DOCK1: variants seen among roughly 807,000 people sequenced by gnomAD.
The protein encoded by DOCK1 is dedicator of cytokinesis protein 1.
DOCK1 carries 138 observed loss-of-function variants against 262.7 expected under a neutral mutation model. The ratio of observed to expected loss-of-function variants is 0.53; its 90% CI spans 0.46 to 0.61. The LOEUF is 0.61. Ranked by LOEUF, DOCK1 falls within the 20% of genes least tolerant of loss-of-function variation. The pLI is 0.00. For missense variants in DOCK1, 1,908 were observed against 2,370.7 expected (o/e 0.80, Z 4.05); for synonymous variants, 866 against 867.4 (o/e 1.00, Z 0.03).
intron 27 of DOCK1, among the ~76,000 whole-genome samples, chr10:127,151,454 T>G (rs1403474601): frequency 6.6e-6 from 1 of 152,208 alleles, no homozygotes; most frequent in African/African-American, 2.4e-5. Flanking sequence ...TTTGTCATTG[T>G]GACCACTCCA....
chr10:127,447,419 G>A lies in DOCK1; in HGVS notation c.5439G>A (p.Gly1813=). The change falls in exon 51 of 52, where the codon GGG becomes GGA. Residue 1813 remains glycine, a synonymous_variant. Transcript: ENST00000623213. ...QSSLELNGMT[G]ADVADVPPPL... ...GCTTGGAGCTGAACGGCATGACGGGGGCGGACGTGGCCGATGTCCCACCCC... is the reference window on the plus strand; with the variant it reads ...GCTTGGAGCTGAACGGCATGACGGGAGCGGACGTGGCCGATGTCCCACCCC... The A allele has an allele frequency of 1.2e-6, 2 of 1,613,106 alleles. No homozygotes were observed. Among genetic ancestry groups the A allele is most frequent in the East Asian group, 2.2e-5 (1 of 44,844 alleles).
chr10:127,274,418 A>G (rs892934819), intron 29 of DOCK1, among the ~76,000 whole-genome samples: 8 of 152,162 alleles, frequency 5.3e-5, no homozygotes, highest in African/African-American at 1.9e-4. Context: ...GATGTTTTTC[A>G]GGGACTGTTT....
chr10:127,314,742 T>C (rs1410554523), intron 29 of DOCK1, among the ~76,000 whole-genome samples: 1 of 152,194 alleles, frequency 6.6e-6, no homozygotes, highest in Non-Finnish European at 1.5e-5. Flanking sequence ...CTTCAGAAAG[T>C]AGCTGTTGGA....
intron 11 of DOCK1, among the ~76,000 whole-genome samples, chr10:127,010,428 C>T (rs1159401345): frequency 2.0e-5 from 3 of 152,210 alleles, no homozygotes; most frequent in Non-Finnish European, 4.4e-5. Flanking sequence ...GATCACGCCA[C>T]TGCACTCCAG....
chr10:127,322,826 G>T (rs534292899), intron 29 of DOCK1, among the ~76,000 whole-genome samples: 4 of 152,198 alleles, frequency 2.6e-5, no homozygotes, highest in Non-Finnish European at 5.9e-5. Flanking sequence ...CTTCTTTACT[G>T]TCTGATCATT....
At chr10:127,307,462 C>T (rs1316176574) in intron 29 of DOCK1, among the ~76,000 whole-genome samples, 2 of 152,206 alleles carry the variant, frequency 1.3e-5, no homozygotes, top group Non-Finnish European at 2.9e-5. Context: ...TCGTTCAGTC[C>T]GCTGTCTTGG....
intron 33 of DOCK1, among the ~76,000 whole-genome samples, chr10:127,365,790 A>G (rs944084284): frequency 7.9e-5 from 12 of 152,120 alleles, no homozygotes; most frequent in Non-Finnish European, 1.8e-4. Flanking sequence ...CTTCTGAGGA[A>G]GTGCTTCATT....
At chr10:127,266,846 C>T (rs1048767712) in intron 29 of DOCK1, among the ~76,000 whole-genome samples, 1 of 152,184 alleles carries the variant, frequency 6.6e-6, no homozygotes, top group Non-Finnish European at 1.5e-5. Context: ...GAAAACTGGC[C>T]TAACCTGAGA....
chr10:127,415,592 T>G (rs941672510), intron 44 of DOCK1, among the ~76,000 whole-genome samples: 1 of 152,246 alleles, frequency 6.6e-6, no homozygotes, highest in Non-Finnish European at 1.5e-5. Context: ...ACATAAACTT[T>G]TTTAAAGATT....
intron 29 of DOCK1, among the ~76,000 whole-genome samples, chr10:127,276,587 C>T (rs886262229): frequency 2.6e-5 from 4 of 152,118 alleles, no homozygotes; most frequent in African/African-American, 9.7e-5. Context: ...ACTGGTGACA[C>T]GGACATTTCA....
chr10:127,165,330 T>A (rs115118609), intron 27 of DOCK1, among the ~76,000 whole-genome samples: 67 of 152,340 alleles, frequency 4.4e-4, no homozygotes, highest in African/African-American at 1.3e-3. Flanking sequence ...CATTTGCTTT[T>A]TAAACAAATG....
At chr10:127,447,947 G>A (rs1011794366) in intron 51 of DOCK1, among the ~76,000 whole-genome samples, 2 of 152,106 alleles carry the variant, frequency 1.3e-5, no homozygotes, top group Non-Finnish European at 2.9e-5. Context: ...GGCCAATATC[G>A]CCCTGTATGG....
At chr10:127,130,065 CTTTTTTT>C (rs74721427) in intron 27 of DOCK1, among the ~76,000 whole-genome samples, 24 of 117,554 alleles carry the variant, frequency 2.0e-4, no homozygotes, top group African/African-American at 9.1e-4. Context: ...TTAGGGTCTT[CTTTTTTT>C]TTTTTTTTTT....
chr10:127,395,894 G>A (rs1358378519), intron 38 of DOCK1, among the ~76,000 whole-genome samples: 3 of 152,246 alleles, frequency 2.0e-5, no homozygotes, highest in African/African-American at 7.2e-5. Context: ...GGAGGAAGAT[G>A]TAGGAAGGGA....
At chr10:127,101,017 G>GGA (rs955267219) in intron 23 of DOCK1, among the ~76,000 whole-genome samples, 2 of 152,058 alleles carry the variant, frequency 1.3e-5, no homozygotes, top group African/African-American at 2.4e-5. Flanking sequence ...AAGGCTCTGA[G>GGA]GAGAGAGAGA....
chr10:127,355,147 C>CTTGTATTTAGG (rs1365706304), intron 32 of DOCK1, among the ~76,000 whole-genome samples: 4 of 147,354 alleles, frequency 2.7e-5, no homozygotes, highest in African/African-American at 1.0e-4. Flanking sequence ...AAAACCAGAT[C>CTTGTATTTAGG]TACCTGGTGG....
chr10:127,346,735 G>A (rs1264589535), intron 31 of DOCK1, among the ~76,000 whole-genome samples: 2 of 152,196 alleles, frequency 1.3e-5, no homozygotes, highest in Non-Finnish European at 1.5e-5. Context: ...AGCTGGTGTC[G>A]CCCCCTCAGG....
rs150079018 is a variant in DOCK1, at chr10:127,357,678, A to C, written c.3283+2951A>C. Reference sequence around the variant, plus strand: ...GACTGTGGCCTGAGAAGCGGCCAAGAGGTCAAAAGTAAACCAAAGCCAATT... The same window carrying C: ...GACTGTGGCCTGAGAAGCGGCCAAGCGGTCAAAAGTAAACCAAAGCCAATT... On this transcript the variant is annotated intron_variant, in intron 32 of 51. Coordinates refer to ENST00000623213, the MANE Select transcript of DOCK1 (RefSeq NM_001290223.2). 3.9e-5 allele frequency among the ~76,000 whole-genome samples: 6 copies of C among 152,354 alleles called. No homozygotes were observed. The East Asian group carries it at 1.2e-3, about 29-fold the overall frequency.
rs747935143 is a variant in DOCK1 at position 127,425,857 on chromosome 10, A to T, written c.4777-17A>T. On this transcript the variant is annotated splice_polypyrimidine_tract_variant and intron_variant, in intron 46 of 51. Coordinates refer to ENST00000623213, the MANE Select transcript of DOCK1 (RefSeq NM_001290223.2). Reference sequence around the variant, plus strand: ...ATTATCCAAGAAATAAGGAATGTCAACCTCTCTGTTTTCCAGATTCCTTTT... The same window carrying T: ...ATTATCCAAGAAATAAGGAATGTCATCCTCTCTGTTTTCCAGATTCCTTTT... The T allele has an allele frequency of 3.1e-6, 5 of 1,613,860 alleles. No individual in the cohort carries two copies. The Admixed American group carries it at 5.0e-5, about 16-fold the overall frequency.
Sources: allele counts gnomAD v4.1 joint callset (sites outside exome capture counted in the v4.1 genomes callset), GRCh38; gene constraint gnomAD v4.1.1; transcripts MANE v1.5; gene names NCBI Gene and HGNC (gene_info 2026-07-23, HGNC 2026-07-21).